Variants in EPB42 observed in about 807,000 individuals in gnomAD.
The protein encoded by EPB42 is protein 4.2.
Under a neutral mutation model 76.9 loss-of-function variants are expected in EPB42, and 49 were observed. The observed-to-expected ratio is 0.64, with a 90% CI of 0.51 to 0.81. The LOEUF (loss-of-function observed/expected upper bound fraction) is 0.81. Among genes scored for constraint, EPB42 ranks in the 30% least tolerant of loss-of-function variants. The pLI is 0.00. For missense variants in EPB42, 731 were observed against 867.6 expected (o/e 0.84, Z 1.98); for synonymous variants, 310 against 338.4 (o/e 0.92, Z 0.92).
intron 6 of EPB42, 36 bp from the exon 7 acceptor site, chr15:43,208,811 G>T (rs1172051553): frequency 6.2e-7 from 1 of 1,608,850 alleles, no homozygotes; most frequent in Non-Finnish European, 8.5e-7. Flanking sequence ...GGGGGCGCTT[G>T]AGAGACCGGG....
intron 1 of EPB42, chr15:43,220,591 C>G (rs2042442766): frequency 3.5e-6 from 3 of 862,002 alleles, no homozygotes; most frequent in Admixed American, 3.6e-5. Flanking sequence ...CAGCACCCAT[C>G]ATCACACCAC....
In EPB42 at chr15:43,197,383, A is replaced by G. The variant is rs747581439; in HGVS notation, c.1995T>C (p.Thr665=). 6.2e-7 allele frequency: 1 copy of G among 1,614,204 alleles called. No individual in the cohort carries two copies. The highest frequency in any genetic ancestry group is 8.5e-7 in the Non-Finnish European group (1 of 1,180,036). Reference sequence around the variant, plus strand: ...GGAACATGTTGCAGTCCACTTCCACAGTGAGTCTCTGGAGCCCCACATGTG... The same window carrying G: ...GGAACATGTTGCAGTCCACTTCCACGGTGAGTCTCTGGAGCCCCACATGTG... ...TPTHVGLQRL[T]VEVDCNMFQN... The change falls in exon 13 of 13, where the codon ACT becomes ACC. Residue 665 remains threonine (T), a synonymous_variant. Coordinates refer to ENST00000441366, the MANE Select transcript of EPB42 (RefSeq NM_001114134.2).
At chr15:43,213,185 G>A (rs573560829) in intron 3 of EPB42, among the ~76,000 whole-genome samples, 1 of 152,082 alleles carries the variant, frequency 6.6e-6, no homozygotes, top group South Asian at 2.1e-4. Flanking sequence ...GGATCTACAG[G>A]GCTCTAGGAA....
intron 12 of EPB42, among the ~76,000 whole-genome samples, chr15:43,200,979 T>C (rs1300163637): frequency 1.3e-5 from 2 of 152,190 alleles, no homozygotes; most frequent in Non-Finnish European, 2.9e-5. Context: ...TGTGCCCGGC[T>C]AATTTTTTGT....
chr15:43,210,714 G>A (rs760154920), intron 4 of EPB42, among the ~76,000 whole-genome samples: 24 of 152,220 alleles, frequency 1.6e-4, no homozygotes, highest in African/African-American at 4.3e-4. Context: ...TCGGGGACCC[G>A]TGCTGTACTG....
rs926799013 is a variant in EPB42, at chr15:43,220,950, A to G, written c.-125T>C. 5 of 846,718 alleles carry G rather than the reference A, an allele frequency of 5.9e-6. No individual in the cohort carries two copies. The highest frequency in any genetic ancestry group is 7.8e-6 in the Non-Finnish European group (4 of 511,490). The allele number at this position is 846,718 out of a possible 1,614,324, so 52.5% of individuals were successfully genotyped here. A position where few individuals can be genotyped will look rare whatever the true frequency, so the allele number is the denominator to read the frequency against. On this transcript the variant is annotated 5_prime_UTR_variant, in exon 1 of 13. Transcript: ENST00000441366. ...AATATGAAGGCACTTTTGTTGGCTT[A>G]AGAATCTGGAAATAGCAAAACCTCC...
chr15:43,198,449 G>T (rs2042078189), intron 12 of EPB42, among the ~76,000 whole-genome samples: 1 of 152,162 alleles, frequency 6.6e-6, no homozygotes. Context: ...GTGGAACTTT[G>T]AACTTGAGAA....
At chr15:43,209,243 A>C in intron 6 of EPB42, 31 bp downstream of exon 6, 1 of 1,613,454 alleles carries the variant, frequency 6.2e-7, no homozygotes, top group Non-Finnish European at 8.5e-7. Context: ...CCCAGGAGGC[A>C]GGGCACTCTA....
At chr15:43,225,527 A>G (rs780732873), upstream of EPB42, among the ~76,000 whole-genome samples, 3 of 152,144 alleles carry the variant, frequency 2.0e-5, no homozygotes, top group Non-Finnish European at 2.9e-5. Flanking sequence ...GCAGTATTTC[A>G]GTCGGGGCAC....
intron 1 of EPB42, 160 bp downstream of exon 1, chr15:43,220,656 C>CCCCCCA: frequency 9.6e-7 from 1 of 1,038,044 alleles, no homozygotes. Context: ...CACACCCCCC[C>CCCCCCA]CCCACAGCCA....
At position 43,217,259 on chromosome 15, in the gene EPB42, A is replaced by ACT. The variant is rs751489464; in HGVS notation, c.11-808_11-807dup. Reference sequence around the variant, plus strand: ...AAAAGTGTGTAGCACCTCCTCCTTCACTCTCTCTCTCTCTTTCCCACCAGC... The same window carrying ACT: ...AAAAGTGTGTAGCACCTCCTCCTTCACTCTCTCTCTCTCTCTTTCCCACCAGC... On this transcript the variant is annotated intron_variant, in intron 1 of 12. Coordinates refer to ENST00000441366, the MANE Select transcript of EPB42 (RefSeq NM_001114134.2). Among the ~76,000 whole-genome samples the ACT allele has an allele frequency of 2.0e-5, 3 of 148,860 alleles. No individual in the cohort carries two copies. In the South Asian group the frequency reaches 6.3e-4, roughly 31 times the overall value.
Position 43,209,405 on chromosome 15 carries a change from T to A in EPB42, c.701A>T (p.Gln234Leu), listed in dbSNP as rs775072758. The A allele has an allele frequency of 1.2e-6, 2 of 1,613,470 alleles. No individual in the cohort carries two copies. Among genetic ancestry groups the A allele is most frequent in the African/African-American group, 2.7e-5 (2 of 74,946 alleles). The part of the protein sequence containing the change: ...EQRVLPTPQT[Q>L]ATQEGALLNK... Reference sequence around the variant, plus strand: ...CAGCAAGGCCCCTTCCTGGGTGGCCTGGGTCTGCGGGGTGGGCAGGACCCT... The same window carrying A: ...CAGCAAGGCCCCTTCCTGGGTGGCCAGGGTCTGCGGGGTGGGCAGGACCCT... Residue 234 changes from glutamine (Q) to leucine (L), a missense_variant, in exon 6 of 13, where the codon CAG (glutamine) becomes CTG (leucine). Coordinates refer to ENST00000441366, the MANE Select transcript of EPB42 (RefSeq NM_001114134.2).
intron 11 of EPB42, among the ~76,000 whole-genome samples, chr15:43,202,348 C>T (rs757392911): frequency 6.6e-6 from 1 of 152,186 alleles, no homozygotes; most frequent in Non-Finnish European, 1.5e-5. Flanking sequence ...ACTGTTCCAT[C>T]CCCAGCACAC....
chr15:43,213,475 C>T (rs2042331042), intron 3 of EPB42, among the ~76,000 whole-genome samples: 1 of 152,142 alleles, frequency 6.6e-6, no homozygotes, highest in Admixed American at 6.5e-5. Context: ...GCAGAGAGGC[C>T]CTCCCTAGGC....
At position 43,206,376 on chromosome 15, in the gene EPB42, G is replaced by A; in HGVS notation, c.1572C>T (p.Ala524=). ...GGTGCAGCTTCTTCCTCCAGAGCTT[G>A]GCAGCAAGGACACCGTTGTAGTGTA... ...QAVHYNGVLA[A]KLWRKKLHLT... Residue 524 remains alanine (A), a synonymous_variant, in exon 10 of 13, where the codon GCC becomes GCT. Transcript: ENST00000441366. This position sits in a 1 kb window ranked among gnomAD's most constrained non-coding sequence, Gnocchi z 4.7. 1 of 1,613,442 alleles carries A rather than the reference G, an allele frequency of 6.2e-7. No homozygotes were observed. Among genetic ancestry groups the A allele is most frequent in the Non-Finnish European group, 8.5e-7 (1 of 1,179,450 alleles).
rs750545801 is a variant in EPB42 at position 43,211,544 on chromosome 15, G to A, written c.431-10C>T. 8.8e-6 allele frequency: 14 copies of A among 1,587,118 alleles called. No homozygotes were observed. The highest frequency in any genetic ancestry group is 1.7e-4 in the Middle Eastern group (1 of 6,038). Reference sequence around the variant, plus strand: ...AGGAACACAGCATCCTCTGGTGAGAGGTGGGTAGGGATGAGGGCCTGTGGG... The same window carrying A: ...AGGAACACAGCATCCTCTGGTGAGAAGTGGGTAGGGATGAGGGCCTGTGGG... On this transcript the variant is annotated splice_polypyrimidine_tract_variant and intron_variant, in intron 3 of 12. Transcript: ENST00000441366.
chr15:43,225,658 A>T (rs1452487432), upstream of EPB42, among the ~76,000 whole-genome samples: 3 of 152,188 alleles, frequency 2.0e-5, no homozygotes, highest in Non-Finnish European at 4.4e-5. Flanking sequence ...GGAGACAAAC[A>T]ATACTAAGTG....
Position 43,208,210 on chromosome 15 carries a change from G to T in EPB42, c.1075+20C>A. 6.2e-7 allele frequency: 1 copy of T among 1,610,566 alleles called. No homozygotes were observed. The highest frequency in any genetic ancestry group is 1.1e-5 in the South Asian group (1 of 90,690). On this transcript the variant is annotated intron_variant, in intron 8 of 12. Coordinates refer to ENST00000441366, the MANE Select transcript of EPB42 (RefSeq NM_001114134.2). ...CTCTGTGCAGCCCTGCGTGGTCCTG[G>T]ACCCACCCCTAGGCTTTACCTCCAC... is the stretch of plus-strand genomic sequence containing the variant.
intron 1 of EPB42, among the ~76,000 whole-genome samples, chr15:43,219,802 C>T (rs528048894): frequency 9.2e-5 from 14 of 152,068 alleles, no homozygotes; most frequent in African/African-American, 3.4e-4. Context: ...AAAAATTAGC[C>T]GGGCATGGTG....
Sources: allele counts gnomAD v4.1 joint callset (sites outside exome capture counted in the v4.1 genomes callset), GRCh38; gene constraint gnomAD v4.1.1; non-coding constraint Gnocchi (gnomAD v3.1); transcripts MANE v1.5; gene names NCBI Gene and HGNC (gene_info 2026-07-23, HGNC 2026-07-21).